Variants in CHD9 observed in about 807,000 individuals in gnomAD.
CHD9 encodes ATP-dependent chromatin remodeler CHD9.
In CHD9, 77 loss-of-function variants were observed where a neutral mutation model predicts 316.1. The observed-to-expected ratio is 0.24, with a 90% CI of 0.20 to 0.29. The LOEUF is 0.29. Ranked by LOEUF, CHD9 falls within the 10% of genes least tolerant of loss-of-function variation. The pLI, the probability that CHD9 is intolerant of heterozygous loss-of-function variation, is 1.00. For synonymous variants in CHD9, 1,129 were observed against 1,158.3 expected, an observed-to-expected ratio of 0.97 and a Z score of 0.51; for missense variants, 2,763 against 3,438.1, an observed-to-expected ratio of 0.80 and a Z score of 4.91.
At chr16:53,071,259 T>C (rs2034022501) in intron 1 of CHD9, among the ~76,000 whole-genome samples, 3 of 152,346 alleles carry the variant, frequency 2.0e-5, no homozygotes, top group Non-Finnish European at 2.9e-5. Flanking sequence ...ACATTCATTT[T>C]TGAGGCTCTT....
intron 1 of CHD9, among the ~76,000 whole-genome samples, chr16:53,131,850 C>G (rs2039345503): frequency 6.6e-6 from 1 of 152,178 alleles, no homozygotes; most frequent in African/African-American, 2.4e-5. Context: ...GCCTTCCCCG[C>G]GATCCTTCAC....
At chr16:53,095,105 CCT>C (rs1456169308) in intron 1 of CHD9, among the ~76,000 whole-genome samples, 19 of 152,118 alleles carry the variant, frequency 1.2e-4, no homozygotes, top group Non-Finnish European at 2.4e-4. Context: ...ACGTTCTTCC[CCT>C]GTGTCCTCCC....
At chr16:53,197,568 T>C (rs925006737) in intron 2 of CHD9, among the ~76,000 whole-genome samples, 2 of 152,130 alleles carry the variant, frequency 1.3e-5, no homozygotes, top group African/African-American at 4.8e-5. Context: ...TTTTAAATAT[T>C]AACACTTTTT....
chr16:53,306,035 G>A (rs1202187222), intron 31 of CHD9, among the ~76,000 whole-genome samples: 2 of 152,146 alleles, frequency 1.3e-5, no homozygotes, highest in Non-Finnish European at 2.9e-5. Flanking sequence ...TCCAGGCTGT[G>A]CAACACAGCA....
intron 1 of CHD9, among the ~76,000 whole-genome samples, chr16:53,103,965 T>C (rs914455007): frequency 6.6e-6 from 1 of 152,186 alleles, no homozygotes; most frequent in Non-Finnish European, 1.5e-5. Context: ...TCCTACTCCA[T>C]GGCCTTCCCT....
chr16:53,282,622 A>G (rs1352556561), intron 24 of CHD9, among the ~76,000 whole-genome samples: 3 of 152,126 alleles, frequency 2.0e-5, no homozygotes, highest in Non-Finnish European at 2.9e-5. Context: ...AACAGAAAAG[A>G]AAGAAGCATC....
At chr16:53,064,045 G>T (rs1374908772) in intron 1 of CHD9, among the ~76,000 whole-genome samples, 4 of 151,540 alleles carry the variant, frequency 2.6e-5, no homozygotes, top group Non-Finnish European at 5.9e-5. Flanking sequence ...TGTTGCCCAG[G>T]CTGGTCTCAA....
intron 1 of CHD9, among the ~76,000 whole-genome samples, chr16:53,153,097 G>T (rs760411256): frequency 1.3e-5 from 2 of 152,154 alleles, no homozygotes; most frequent in Non-Finnish European, 2.9e-5. Flanking sequence ...AACGACCCTT[G>T]TATTTCGTTA....
intron 37 of CHD9, chr16:53,321,297 T>C (rs2057259633): frequency 7.4e-7 from 1 of 1,347,810 alleles, no homozygotes; most frequent in Non-Finnish European, 9.6e-7. Context: ...TTTACTGTTC[T>C]AGTTATTCTA....
intron 29 of CHD9, 28 bp downstream of exon 29, chr16:53,293,080 G>A (rs1397244114): frequency 1.3e-6 from 2 of 1,542,392 alleles, no homozygotes; most frequent in African/African-American, 1.4e-5. Flanking sequence ...AATTTTTAAT[G>A]TATTGTCTAA....
At chr16:53,236,474 T>C (rs1485449213) in intron 11 of CHD9, among the ~76,000 whole-genome samples, 2 of 152,092 alleles carry the variant, frequency 1.3e-5, no homozygotes, top group African/African-American at 2.4e-5. Flanking sequence ...CAATCACTTA[T>C]CCTTCTCTTT....
chr16:53,192,641 C>G (rs1354220053), intron 2 of CHD9, among the ~76,000 whole-genome samples: 1 of 152,200 alleles, frequency 6.6e-6, no homozygotes, highest in Admixed American at 6.5e-5. Flanking sequence ...CCCGTTTGCA[C>G]TCAGTCTTTC....
At position 53,128,187 on chromosome 16, in the gene CHD9, T is replaced by C. The variant is rs935160741; in HGVS notation, c.-164-27739T>C. Reference sequence around the variant, plus strand: ...GACATTGAGTAGGAATGGAGACATTTTTTTTTTTCTTTTAAGACGGAGTCT... The same window carrying C: ...GACATTGAGTAGGAATGGAGACATTCTTTTTTTTCTTTTAAGACGGAGTCT... On this transcript the variant is annotated intron_variant, in intron 1 of 38. Coordinates refer to ENST00000447540, the MANE Select transcript of CHD9 (RefSeq NM_001308319.2). Among the ~76,000 whole-genome samples the C allele has an allele frequency of 2.8e-4, 43 of 151,776 alleles. No homozygotes were observed. The East Asian group carries it at 8.0e-3, about 28-fold the overall frequency.
In CHD9 at chr16:53,314,909, A is replaced by G; in HGVS notation, c.7449A>G (p.Thr2483=). ...CTCAACCTCAAGGAATTCCTGATAC[A>G]GAAAGTCCAGTTCCAGTTATTAATC... is the stretch of plus-strand genomic sequence containing the variant. ...SYTQPQGIPD[T]ESPVPVINLK... Residue 2483 remains threonine, a synonymous_variant, in exon 36 of 39, where the codon ACA becomes ACG. Coordinates refer to ENST00000447540, the MANE Select transcript of CHD9 (RefSeq NM_001308319.2). 1 of 1,613,768 alleles carries G rather than the reference A, an allele frequency of 6.2e-7. No individual in the cohort carries two copies. Among genetic ancestry groups the G allele is most frequent in the Non-Finnish European group, 8.5e-7 (1 of 1,179,690 alleles).
At chr16:53,280,397 C>A (rs1179700176) in intron 24 of CHD9, among the ~76,000 whole-genome samples, 1 of 151,940 alleles carries the variant, frequency 6.6e-6, no homozygotes, top group Non-Finnish European at 1.5e-5. Flanking sequence ...GGATAGGAGA[C>A]TATTATTCTA....
At chr16:53,103,088 G>A (rs59036958) in intron 1 of CHD9, among the ~76,000 whole-genome samples, 2 of 148,706 alleles carry the variant, frequency 1.3e-5, no homozygotes, top group South Asian at 4.2e-4. Flanking sequence ...CTCGTGATCC[G>A]CCCGCCTTGG....
Position 53,292,900 on chromosome 16 carries a change from G to A in CHD9, c.5358G>A (p.Arg1786=). 1 of 1,613,626 alleles carries A rather than the reference G, an allele frequency of 6.2e-7. No homozygotes were observed. Among genetic ancestry groups the A allele is most frequent in the Non-Finnish European group, 8.5e-7 (1 of 1,179,856 alleles). ...PTQSALTTRL[R]RLITAYQRTN... is the part of the protein sequence containing the mutation. ...AATCAGCTTTAACCACACGTTTGAG[G>A]CGTCTCATCACTGCATACCAGCGTA... The change falls in exon 29 of 39, where the codon AGG becomes AGA. Residue 1786 remains arginine (R), a synonymous_variant. Coordinates refer to ENST00000447540, the MANE Select transcript of CHD9 (RefSeq NM_001308319.2).
At chr16:53,322,696 C>T (rs575398110) in intron 38 of CHD9, among the ~76,000 whole-genome samples, 2 of 151,876 alleles carry the variant, frequency 1.3e-5, no homozygotes, top group South Asian at 4.2e-4. Flanking sequence ...AAAGCCTACA[C>T]GTATGCTAAT....
intron 15 of CHD9, 139 bp from the exon 16 acceptor site, chr16:53,247,154 T>G: frequency 1.6e-6 from 1 of 631,806 alleles, no homozygotes; most frequent in South Asian, 2.0e-5. Flanking sequence ...CTTAAATAAT[T>G]CTAATAAAAG....
Sources: gnomAD v4.1 joint callset for allele counts (sites outside exome capture counted in the v4.1 genomes callset) on GRCh38, gnomAD v4.1.1 for gene constraint, MANE v1.5 for transcripts, NCBI Gene and HGNC (gene_info 2026-07-23, HGNC 2026-07-21) for gene names.